The following CSTF1 variants were observed in gnomAD, a reference collection of about 807,000 sequenced individuals.
The protein encoded by CSTF1 is cleavage stimulation factor subunit 1.
Under a neutral mutation model 40.9 loss-of-function variants are expected in CSTF1, and 2 were observed. The ratio of observed to expected loss-of-function variants is 0.05; its 90% CI spans 0.02 to 0.15. CSTF1 has a LOEUF of 0.15. Among genes scored for constraint, CSTF1 ranks in the 10% least tolerant of loss-of-function variants. The pLI is 1.00. For missense variants in CSTF1, 279 were observed against 558.9 expected (o/e 0.50, Z 5.05); for synonymous variants, 218 against 207.2 (o/e 1.05, Z -0.45).
chr20:56,399,701 A>G lies in CSTF1; in HGVS notation c.1036+344A>G, dbSNP rs189617937. Among the ~76,000 whole-genome samples the G allele has an allele frequency of 6.6e-6, 1 of 152,228 alleles. No individual in the cohort carries two copies. The highest frequency in any genetic ancestry group is 2.4e-5 in the African/African-American group (1 of 41,464). On this transcript the variant is annotated intron_variant, in intron 5 of 5. Coordinates refer to ENST00000217109, the MANE Select transcript of CSTF1 (RefSeq NM_001324.3). The surrounding 1 kb of genome is among the most constrained non-coding windows in gnomAD (Gnocchi z 4.6). Reference sequence around the variant, plus strand: ...AAAGCAATCCAGAGAAAAGTTTCCAATAGTAGATCTCAGTATTATTAATAT... The same window carrying G: ...AAAGCAATCCAGAGAAAAGTTTCCAGTAGTAGATCTCAGTATTATTAATAT...
In CSTF1 at chr20:56,397,591, C is replaced by G; in HGVS notation, c.448-53C>G. On this transcript the variant is annotated intron_variant, in intron 3 of 5. Coordinates refer to ENST00000217109, the MANE Select transcript of CSTF1 (RefSeq NM_001324.3). The surrounding 1 kb of genome is among the most constrained non-coding windows in gnomAD (Gnocchi z 4.4). ...TAGTTTGCTACAGTTGTGGATTGTG[C>G]ACTTGGATTCAGACACATTCTGTGC... 1 of 1,600,180 alleles carries G rather than the reference C, an allele frequency of 6.2e-7. No homozygotes were observed. Among genetic ancestry groups the G allele is most frequent in the South Asian group, 1.1e-5 (1 of 90,682 alleles).
intron 1 of CSTF1, among the ~76,000 whole-genome samples, chr20:56,394,466 A>C (rs1987458228): frequency 6.6e-6 from 1 of 152,236 alleles, no homozygotes. Flanking sequence ...GGGCGCCTGT[A>C]GTCTTAGCTA....
chr20:56,396,085 C>T (rs537179648), intron 2 of CSTF1: 3 of 177,892 alleles, frequency 1.7e-5, no homozygotes, highest in Admixed American at 1.2e-4. Context: ...CCTGCCATAG[C>T]GATCCCATTT....
intron 4 of CSTF1, 99 bp from the exon 5 acceptor site, chr20:56,398,867 GT>G: frequency 8.7e-7 from 1 of 1,150,932 alleles, no homozygotes; most frequent in Non-Finnish European, 1.2e-6. Flanking sequence ...TCTAATAATT[GT>G]TTTATAGATT....
At chr20:56,403,333 C>CT (rs1216091890) in intron 5 of CSTF1, 135 bp from the exon 6 acceptor site, 5 of 1,086,982 alleles carry the variant, frequency 4.6e-6, no homozygotes, top group South Asian at 3.1e-5. Context: ...CTTTTTTGTA[C>CT]TTTTTTAGAG....
rs1214830001 is a variant in CSTF1 at position 56,397,611 on chromosome 20, C to G, written c.448-33C>G. ...TTGTGCACTTGGATTCAGACACATT[C>G]TGTGCCTTGAGCATCTCTTCTTGTT... On this transcript the variant is annotated intron_variant, in intron 3 of 5. Transcript: ENST00000217109. The surrounding 1 kb of genome is among the most constrained non-coding windows in gnomAD (Gnocchi z 4.4). 4 of 1,607,272 alleles carry G rather than the reference C, an allele frequency of 2.5e-6. No individual in the cohort carries two copies. Among genetic ancestry groups the G allele is most frequent in the Non-Finnish European group, 3.4e-6 (4 of 1,173,858 alleles).
chr20:56,402,404 G>A (rs1198374034), intron 5 of CSTF1, among the ~76,000 whole-genome samples: 1 of 151,820 alleles, frequency 6.6e-6, no homozygotes, highest in East Asian at 1.9e-4. Context: ...CCTCTGATGG[G>A]TGCAATTATT....
chr20:56,393,510 CTGAACATTGTCCA>C (rs1569111208), intron 1 of CSTF1, among the ~76,000 whole-genome samples: 2 of 151,838 alleles, frequency 1.3e-5, no homozygotes, highest in African/African-American at 4.8e-5. Flanking sequence ...TTTCGGGTAA[CTGAACATTGTCCA>C]TGGGAGAAAA....
In CSTF1 at chr20:56,397,882, TAC is replaced by T; in HGVS notation, c.645+43_645+44del. The T allele has an allele frequency of 7.0e-7, 1 of 1,428,182 alleles. No individual in the cohort carries two copies. The highest frequency in any genetic ancestry group is 9.8e-7 in the Non-Finnish European group (1 of 1,019,026). 88.5% of individuals were successfully genotyped at this position (1,428,182 alleles called of 1,614,324 possible). A position where few individuals can be genotyped will look rare whatever the true frequency, so the allele number is the denominator to read the frequency against. On this transcript the variant is annotated intron_variant, in intron 4 of 5. Transcript: ENST00000217109. This position sits in a 1 kb window ranked among gnomAD's most constrained non-coding sequence, Gnocchi z 4.4. Reference sequence around the variant, plus strand: ...AAGGAGCTTTACATTTTTTCTTAAATACAATGAGCTATTGTACAACTATTCTC... The same window carrying T: ...AAGGAGCTTTACATTTTTTCTTAAATAATGAGCTATTGTACAACTATTCTC...
rs1187253144 is a variant in CSTF1, at chr20:56,403,536, T to C, written c.1105T>C (p.Leu369=). 2 of 1,614,124 alleles carry C rather than the reference T, an allele frequency of 1.2e-6. No homozygotes were observed. Among genetic ancestry groups the C allele is most frequent in the East Asian group, 2.2e-5 (1 of 44,882 alleles). ...AVFNHTEDYV[L]LPDERTISLC... ...GTTTAACCACACCGAGGACTATGTG[T>C]TGCTGCCCGACGAGAGGACGATCAG... The change falls in exon 6 of 6, where the codon TTG becomes CTG. Residue 369 remains leucine (L), a synonymous_variant. Coordinates refer to ENST00000217109, the MANE Select transcript of CSTF1 (RefSeq NM_001324.3).
At position 56,403,750 on chromosome 20, in the gene CSTF1, T is replaced by G. The variant is rs751311711; in HGVS notation, c.*23T>G. The stretch of plus-strand genomic sequence containing the variant: ...TGAGCCACCCTCTCCGTAGGGTTCT[T>G]TCTCGAGGACTCTACCCTCCTCCCC... On this transcript the variant is annotated 3_prime_UTR_variant, in exon 6 of 6. Transcript: ENST00000217109. The G allele has an allele frequency of 9.4e-6, 15 of 1,595,996 alleles. No homozygotes were observed. The highest frequency in any genetic ancestry group is 1.3e-5 in the African/African-American group (1 of 74,692).
Position 56,395,746 on chromosome 20 carries a change from C to T in CSTF1, c.169+25C>T, listed in dbSNP as rs750848293. 2.2e-5 allele frequency: 36 copies of T among 1,602,880 alleles called. No individual in the cohort carries two copies. The Admixed American group carries it at 4.3e-4, about 19-fold the overall frequency. ...GGTAGATTGTGAACACAAATCCATA[C>T]GTCCCATGGCAAGGTTTTAGATATT... On this transcript the variant is annotated intron_variant, in intron 2 of 5. Coordinates refer to ENST00000217109, the MANE Select transcript of CSTF1 (RefSeq NM_001324.3).
rs1340054357 is a variant in CSTF1 at position 56,405,886 on chromosome 20, A to G, written c.*2159A>G. On this transcript the variant is annotated 3_prime_UTR_variant, in exon 6 of 6. Coordinates refer to ENST00000217109, the MANE Select transcript of CSTF1 (RefSeq NM_001324.3). ...TTTTGCTTTCAACCTCTTAAACTGTAAAGGAGAGATTTAATGTTTCCCTAT... is the reference window on the plus strand; with the variant it reads ...TTTTGCTTTCAACCTCTTAAACTGTGAAGGAGAGATTTAATGTTTCCCTAT... 1 of 152,224 alleles carries G rather than the reference A, an allele frequency of 6.6e-6. No individual in the cohort carries two copies. Among genetic ancestry groups the G allele is most frequent in the Non-Finnish European group, 1.5e-5 (1 of 68,034 alleles). 9.4% of individuals were successfully genotyped at this position (152,224 alleles called of 1,614,324 possible).
In CSTF1 at chr20:56,403,484, A is replaced by G. The variant is rs373440279; in HGVS notation, c.1053A>G (p.Gly351=). 67 of 1,613,918 alleles carry G rather than the reference A, an allele frequency of 4.2e-5. No individual in the cohort carries two copies. The highest frequency in any genetic ancestry group is 5.4e-5 in the Non-Finnish European group (64 of 1,180,002). ...LVRYTGAGLS[G]RQVHRTQAVF... ...CTGTGGCAGGCGCGGGTTTAAGTGG[A>G]CGCCAGGTGCACCGGACACAGGCTG... The change falls in exon 6 of 6, where the codon GGA becomes GGG. Residue 351 remains glycine (G), a synonymous_variant. Transcript: ENST00000217109.
Position 56,403,593 on chromosome 20 carries a change from C to A in CSTF1, c.1162C>A (p.Arg388=), listed in dbSNP as rs766424708. Residue 388 remains arginine, a synonymous_variant, in exon 6 of 6, where the codon CGG becomes AGG. Transcript: ENST00000217109. ...LCCWDSRTAE[R]RNLLSLGHNN... ...CTGCTGGGACTCGAGGACAGCCGAG[C>A]GGAGAAACCTGCTGTCGTTGGGGCA... 1.9e-6 allele frequency: 3 copies of A among 1,613,938 alleles called. No individual in the cohort carries two copies. The African/African-American group carries it at 4.0e-5, about 22-fold the overall frequency.
At position 56,397,919 on chromosome 20, in the gene CSTF1, G is replaced by A. The variant is rs1352010148; in HGVS notation, c.645+78G>A. ...TTGTACAACTATTCTCTTTTTAAAA[G>A]TAGTCTCAGTGATCATCCTGTAAGA... On this transcript the variant is annotated intron_variant, in intron 4 of 5. Transcript: ENST00000217109. The surrounding 1 kb of genome is among the most constrained non-coding windows in gnomAD (Gnocchi z 4.4). 2.6e-6 allele frequency: 3 copies of A among 1,158,890 alleles called. No homozygotes were observed. Among genetic ancestry groups the A allele is most frequent in the Non-Finnish European group, 3.7e-6 (3 of 803,006 alleles). 71.8% of individuals were successfully genotyped at this position (1,158,890 alleles called of 1,614,324 possible). A position where few individuals can be genotyped will look rare whatever the true frequency, so the allele number is the denominator to read the frequency against.
chr20:56,402,166 G>A (rs1327713989), intron 5 of CSTF1, among the ~76,000 whole-genome samples: 1 of 152,150 alleles, frequency 6.6e-6, no homozygotes, highest in African/African-American at 2.4e-5. Context: ...AATTAGTTGA[G>A]TGTGGTGGCA....
At chr20:56,401,524 G>A (rs1172613249) in intron 5 of CSTF1, among the ~76,000 whole-genome samples, 1 of 152,112 alleles carries the variant, frequency 6.6e-6, no homozygotes, top group East Asian at 1.9e-4. Context: ...TTAAATACAC[G>A]CTTTTTGACC....
intron 1 of CSTF1, among the ~76,000 whole-genome samples, chr20:56,394,925 C>A (rs2146241739): frequency 6.6e-6 from 1 of 152,222 alleles, no homozygotes; most frequent in East Asian, 1.9e-4. Context: ...CTTTCTAACG[C>A]ATTTAACTCG....
Sources: gnomAD v4.1 joint callset for allele counts (sites outside exome capture counted in the v4.1 genomes callset) on GRCh38, gnomAD v4.1.1 for gene constraint, Gnocchi (gnomAD v3.1) non-coding constraint, MANE v1.5 for transcripts, NCBI Gene and HGNC (gene_info 2026-07-23, HGNC 2026-07-21) for gene names.